The following COL12A1 variants were observed in gnomAD, a reference collection of about 807,000 sequenced individuals.
COL12A1 encodes the protein collagen alpha-1(XII) chain.
In COL12A1, 114 loss-of-function variants were observed where a neutral mutation model predicts 349.7. The ratio of observed to expected loss-of-function variants is 0.33; its 90% CI spans 0.28 to 0.38. The LOEUF is 0.38. Among genes scored for constraint, COL12A1 ranks in the 10% least tolerant of loss-of-function variants. The pLI, the probability that COL12A1 is intolerant of heterozygous loss-of-function variation, is 1.00. For missense variants in COL12A1, 3,284 were observed against 3,756.9 expected (o/e 0.87, Z 3.29); for synonymous variants, 1,369 against 1,329.0 (o/e 1.03, Z -0.66).
At chr6:75,154,799 T>C (rs1487833527) in intron 16 of COL12A1, among the ~76,000 whole-genome samples, 1 of 152,164 alleles carries the variant, frequency 6.6e-6, no homozygotes, top group Non-Finnish European at 1.5e-5. Flanking sequence ...GTCTTGCCTT[T>C]CTAGCAGATG....
chr6:75,189,246 C>T lies in COL12A1; in HGVS notation c.794G>A (p.Arg265His), dbSNP rs778155362. Residue 265 changes from arginine to histidine, a missense_variant, in exon 7 of 66, where the codon CGT becomes CAT. By Grantham distance (29) the Arg-to-His change is conservative (BLOSUM62 0). This residue lies in a region of COL12A1 where 2,601 missense variants were observed against 2,824.8 expected (regional missense o/e 0.92). Coordinates refer to ENST00000322507, the MANE Select transcript of COL12A1 (RefSeq NM_004370.6). ...GGAGAAAACTTCAACTCCAACATTA[C>T]GAAGCTCTCTTGCTGGAATTTCCAC... ...DEVEIPAREL[R>H]NVGVEVFSLG... 4.6e-5 allele frequency: 74 copies of T among 1,612,778 alleles called. No individual in the cohort carries two copies. Among genetic ancestry groups the T allele is most frequent in the Admixed American group, 1.5e-4 (9 of 59,860 alleles).
chr6:75,197,500 C>T (rs972218331), intron 2 of COL12A1, among the ~76,000 whole-genome samples: 13 of 151,872 alleles, frequency 8.6e-5, no homozygotes, highest in East Asian at 5.8e-4. Context: ...TTAGTAGAGA[C>T]GGGGTTTCTC....
In COL12A1 at chr6:75,121,445, C is replaced by A; in HGVS notation, c.6947-4G>T. ...TCTGCCTTGGCCCCTTTGCATACTG[C>A]AAAAAAAGAAAGCAGAGGAAGCCCC... On this transcript the variant is annotated splice_region_variant and splice_polypyrimidine_tract_variant and intron_variant, in intron 43 of 65. Coordinates refer to ENST00000322507, the MANE Select transcript of COL12A1 (RefSeq NM_004370.6). The A allele has an allele frequency of 6.5e-7, 1 of 1,533,598 alleles. No homozygotes were observed. The highest frequency in any genetic ancestry group is 8.8e-7 in the Non-Finnish European group (1 of 1,133,354). 95.0% of individuals were successfully genotyped at this position (1,533,598 alleles called of 1,614,324 possible).
chr6:75,193,039 A>T (rs1463142250), intron 3 of COL12A1, among the ~76,000 whole-genome samples: 1 of 152,202 alleles, frequency 6.6e-6, no homozygotes, highest in East Asian at 1.9e-4. Context: ...TACGTGCCTG[A>T]TATTTTTAAT....
At chr6:75,171,404 T>C (rs888880706) in intron 13 of COL12A1, among the ~76,000 whole-genome samples, 5 of 152,242 alleles carry the variant, frequency 3.3e-5, no homozygotes, top group Non-Finnish European at 7.3e-5. Context: ...GATCATTGGC[T>C]GCATTTCAAA....
intron 37 of COL12A1, 58 bp from the exon 38 acceptor site, chr6:75,128,483 G>A (rs1037006838): frequency 7.6e-5 from 107 of 1,411,044 alleles, no homozygotes; most frequent in Non-Finnish European, 9.4e-5. Flanking sequence ...CAGATCAAAA[G>A]ACAGTATTGT....
At chr6:75,124,855 T>TA (rs769975357) in intron 40 of COL12A1, among the ~76,000 whole-genome samples, 1 of 152,182 alleles carries the variant, frequency 6.6e-6, no homozygotes, top group Non-Finnish European at 1.5e-5. Flanking sequence ...CATTCATGGA[T>TA]AAAATGACAA....
chr6:75,123,489 C>T (rs528681064), intron 42 of COL12A1, 85 bp from the exon 43 acceptor site: 376 of 1,072,706 alleles, frequency 3.5e-4, no homozygotes, highest in Non-Finnish European at 4.4e-4. Flanking sequence ...CAATTTAAAT[C>T]CTGGATACCA....
chr6:75,158,311 G>GCT (rs1188740820), intron 14 of COL12A1, among the ~76,000 whole-genome samples: 1 of 151,948 alleles, frequency 6.6e-6, no homozygotes, highest in Non-Finnish European at 1.5e-5. Flanking sequence ...ACACCAAAGA[G>GCT]CTCTCTCTCT....
intron 31 of COL12A1, among the ~76,000 whole-genome samples, chr6:75,135,599 T>C (rs1766567136): frequency 6.6e-6 from 1 of 152,188 alleles, no homozygotes; most frequent in Non-Finnish European, 1.5e-5. Context: ...CTAATTAAAA[T>C]CGCATGAAAA....
chr6:75,097,496 A>G (rs1768107470), intron 58 of COL12A1, among the ~76,000 whole-genome samples, 190 bp from the exon 59 acceptor site: 1 of 152,246 alleles, frequency 6.6e-6, no homozygotes, highest in African/African-American at 2.4e-5. Context: ...AAATCTTTTC[A>G]GTTTAACTTA....
Position 75,117,372 on chromosome 6 carries a change from TG to T in COL12A1, c.7519+9del. 1 of 1,612,748 alleles carries T rather than the reference TG, an allele frequency of 6.2e-7. No homozygotes were observed. The highest frequency in any genetic ancestry group is 1.3e-5 in the African/African-American group (1 of 75,016). Reference sequence around the variant, plus strand: ...AGTGAGGTTATAGATCCATGTTGACTGTGACTTACTTGAAGTGGCAGTTTCA... The same window carrying T: ...AGTGAGGTTATAGATCCATGTTGACTTGACTTACTTGAAGTGGCAGTTTCA... On this transcript the variant is annotated intron_variant, in intron 47 of 65. Coordinates refer to ENST00000322507, the MANE Select transcript of COL12A1 (RefSeq NM_004370.6).
chr6:75,133,944 A>T lies in COL12A1; in HGVS notation c.5578T>A (p.Leu1860Met). The T allele has an allele frequency of 6.2e-7, 1 of 1,614,066 alleles. No individual in the cohort carries two copies. The highest frequency in any genetic ancestry group is 8.5e-7 in the Non-Finnish European group (1 of 1,179,968). ...LRVYDPSTST[L>M]NVRWDHAEGN... Reference sequence around the variant, plus strand: ...TCTGCATGGTCCCAGCGGACATTCAAGGTGCTGGTAGAAGGGTCATACACT... The same window carrying T: ...TCTGCATGGTCCCAGCGGACATTCATGGTGCTGGTAGAAGGGTCATACACT... Residue 1860 changes from leucine (L) to methionine (M), a missense_variant, in exon 33 of 66, where the codon TTG becomes ATG. Leu to Met is a conservative substitution (Grantham distance 15). Around this residue, in one of 2 missense-constraint regions of COL12A1, gnomAD observed 2,601 missense variants for 2,824.8 expected, o/e 0.92. Transcript: ENST00000322507.
At chr6:75,187,147 AAAAT>A (rs1769667419) in intron 8 of COL12A1, among the ~76,000 whole-genome samples, 2 of 87,494 alleles carry the variant, frequency 2.3e-5, no homozygotes, top group South Asian at 3.5e-4. Context: ...AATAATTTTA[AAAAT>A]AAATAAATAT....
intron 11 of COL12A1, among the ~76,000 whole-genome samples, chr6:75,179,863 A>G (rs912754850): frequency 1.3e-5 from 2 of 152,266 alleles, no homozygotes; most frequent in Non-Finnish European, 1.5e-5. Context: ...GTCCAAATAT[A>G]TTCAATTCTA....
intron 23 of COL12A1, among the ~76,000 whole-genome samples, chr6:75,147,349 G>T (rs1283600331): frequency 6.6e-6 from 1 of 152,004 alleles, no homozygotes; most frequent in South Asian, 2.1e-4. Context: ...CCCCTGAAAG[G>T]TATATTTGCA....
At chr6:75,175,643 A>C (rs1768899379) in intron 12 of COL12A1, among the ~76,000 whole-genome samples, 1 of 152,256 alleles carries the variant, frequency 6.6e-6, no homozygotes, top group Non-Finnish European at 1.5e-5. Context: ...TAAAATATAT[A>C]CACATTGATT....
chr6:75,161,772 A>G (rs1380051293), intron 14 of COL12A1, among the ~76,000 whole-genome samples: 3 of 152,234 alleles, frequency 2.0e-5, no homozygotes, highest in African/African-American at 2.4e-5. Flanking sequence ...GTCTCAGCCC[A>G]GAATCTCCTT....
Position 75,119,346 on chromosome 6 carries a change from A to G in COL12A1, c.7210+4T>C. On this transcript the variant is annotated splice_donor_region_variant and intron_variant, in intron 45 of 65. Transcript: ENST00000322507. The stretch of plus-strand genomic sequence containing the variant: ...GAAGAGTAAAGGTCTACATATACAC[A>G]TACCTGTTCTTGTGTTTCCTCCTCT... 2 of 1,612,414 alleles carry G rather than the reference A, an allele frequency of 1.2e-6. No individual in the cohort carries two copies. The highest frequency in any genetic ancestry group is 8.5e-7 in the Non-Finnish European group (1 of 1,179,242).
Sources: allele counts gnomAD v4.1 joint callset (sites outside exome capture counted in the v4.1 genomes callset), GRCh38; gene constraint gnomAD v4.1.1; regional missense constraint gnomAD v4.1.1; transcripts MANE v1.5; gene names NCBI Gene and HGNC (gene_info 2026-07-23, HGNC 2026-07-21).